The following GRM7 variants were observed in gnomAD, a reference collection of about 807,000 sequenced individuals.
GRM7 encodes the protein glutamate metabotropic receptor 7, also known as metabotropic glutamate receptor 7.
GRM7 carries 35 observed loss-of-function variants against 84.5 expected under a neutral mutation model. The ratio of observed to expected loss-of-function variants is 0.41; its 90% confidence interval spans 0.32 to 0.55. The LOEUF is 0.55. Among genes scored for constraint, GRM7 ranks in the 20% least tolerant of loss-of-function variants. The probability of loss-of-function intolerance (pLI) is 0.19; values close to 1 mark genes in which losing one functional copy is unlikely to be tolerated. For synonymous variants in GRM7, 487 were observed against 455.1 expected (o/e 1.07, Z -0.89); for missense variants, 1,003 against 1,194.6 (o/e 0.84, Z 2.36).
chr3:7,161,247 G>A (rs1370776479), intron 2 of GRM7, among the ~76,000 whole-genome samples: 1 of 151,724 alleles, frequency 6.6e-6, no homozygotes, highest in Non-Finnish European at 1.5e-5. Context: ...CAGTGTAGGT[G>A]TCCACGGTTC....
At chr3:7,346,527 G>T (rs1692902054) in intron 4 of GRM7, among the ~76,000 whole-genome samples, 1 of 152,024 alleles carries the variant, frequency 6.6e-6, no homozygotes, top group Non-Finnish European at 1.5e-5. Flanking sequence ...CATATTCCAG[G>T]GGGATGCAAA....
chr3:7,714,247 T>C (rs1446101475), intron 9 of GRM7, among the ~76,000 whole-genome samples: 10 of 152,098 alleles, frequency 6.6e-5, no homozygotes, highest in Non-Finnish European at 1.5e-4. Flanking sequence ...CACACATATC[T>C]AGTAAAGAGT....
intron 5 of GRM7, among the ~76,000 whole-genome samples, chr3:7,442,072 C>A (rs562057667): frequency 5.9e-5 from 9 of 151,788 alleles, no homozygotes; most frequent in Non-Finnish European, 1.2e-4. Context: ...TTGCTTTGGG[C>A]AGTATGGCCA....
At chr3:7,337,266 G>C (rs1271753980) in intron 4 of GRM7, among the ~76,000 whole-genome samples, 2 of 151,810 alleles carry the variant, frequency 1.3e-5, no homozygotes, top group Non-Finnish European at 3.0e-5. Context: ...CAAAAATCAA[G>C]ATGAATCGAA....
At chr3:7,647,550 A>G (rs1698703082) in intron 8 of GRM7, among the ~76,000 whole-genome samples, 1 of 152,226 alleles carries the variant, frequency 6.6e-6, no homozygotes, top group African/African-American at 2.4e-5. Context: ...AATACAATAG[A>G]AAGCCAATGG....
At chr3:7,203,703 T>G (rs1000794552) in intron 2 of GRM7, among the ~76,000 whole-genome samples, 1 of 152,234 alleles carries the variant, frequency 6.6e-6, no homozygotes, top group African/African-American at 2.4e-5. Flanking sequence ...CTAACTTATA[T>G]TCCCACGAAA....
chr3:7,217,867 A>ATAAAT (rs35732434), intron 2 of GRM7, among the ~76,000 whole-genome samples: 131,519 of 151,176 alleles, frequency 0.87, 57,753 homozygotes, highest in African/African-American at 0.97. Context: ...TAAAAATAAA[A>ATAAAT]TCTACATTTT....
intron 7 of GRM7, among the ~76,000 whole-genome samples, chr3:7,532,705 G>A (rs71308556): frequency 0.03 from 4,508 of 148,654 alleles, 101 homozygotes; most frequent in Non-Finnish European, 0.046. Context: ...TCTTTTAATT[G>A]TGATGTTAGG....
intron 4 of GRM7, among the ~76,000 whole-genome samples, chr3:7,337,079 C>G (rs550288464): frequency 1.3e-5 from 2 of 152,016 alleles, no homozygotes; most frequent in African/African-American, 4.8e-5. Context: ...GGCACATAGA[C>G]CAATGGAACA....
intron 9 of GRM7, among the ~76,000 whole-genome samples, chr3:7,702,271 T>C (rs1020220063): frequency 7.2e-5 from 11 of 152,224 alleles, no homozygotes; most frequent in Non-Finnish European, 1.6e-4. Context: ...CTTGTTAGAC[T>C]GTGGGTGTAG....
intron 1 of GRM7, among the ~76,000 whole-genome samples, chr3:7,125,353 G>A (rs941397009): frequency 2.0e-5 from 3 of 152,164 alleles, no homozygotes; most frequent in Admixed American, 6.5e-5. Flanking sequence ...ATAGCAAGAA[G>A]AGTCTCAAAA....
At chr3:7,539,723 G>A (rs1692767529) in intron 7 of GRM7, among the ~76,000 whole-genome samples, 1 of 150,854 alleles carries the variant, frequency 6.6e-6, no homozygotes, top group African/African-American at 2.4e-5. Context: ...AGACAACCTG[G>A]GAAAAGCAGA....
intron 1 of GRM7, among the ~76,000 whole-genome samples, chr3:7,066,966 C>A (rs985251860): frequency 6.6e-6 from 1 of 151,874 alleles, no homozygotes; most frequent in Non-Finnish European, 1.5e-5. Flanking sequence ...TTGACAGAAT[C>A]TAGCATCACT....
chr3:7,664,618 G>A lies in GRM7; in HGVS notation c.2452-15431G>A, dbSNP rs150117888. On this transcript the variant is annotated intron_variant, in intron 8 of 9. Coordinates refer to ENST00000357716, the MANE Select transcript of GRM7 (RefSeq NM_000844.4). ...GGTGGTTTACTGCACCCATCAACCC[G>A]TCATCTACATTAGGTATTTCTCCTA... 4.3e-3 allele frequency among the ~76,000 whole-genome samples: 662 copies of A among 152,240 alleles called. 4 individuals are homozygous for A. Among genetic ancestry groups the A allele is most frequent in the African/African-American group, 0.015 (629 of 41,542 alleles).
At chr3:7,146,870 C>G (rs565120445) in intron 2 of GRM7, among the ~76,000 whole-genome samples, 1 of 152,010 alleles carries the variant, frequency 6.6e-6, no homozygotes, top group East Asian at 1.9e-4. Context: ...CCCTTGAGTA[C>G]TAATAGAATA....
At chr3:7,197,809 A>G (rs1197391297) in intron 2 of GRM7, among the ~76,000 whole-genome samples, 1 of 152,114 alleles carries the variant, frequency 6.6e-6, no homozygotes, top group Non-Finnish European at 1.5e-5. Context: ...TTAACAATTC[A>G]TAATTAAAAG....
intron 1 of GRM7, among the ~76,000 whole-genome samples, chr3:7,072,818 T>A (rs1400399500): frequency 6.6e-6 from 1 of 152,190 alleles, no homozygotes; most frequent in Non-Finnish European, 1.5e-5. Context: ...AGAAAGGATA[T>A]TGATGTTTGC....
intron 8 of GRM7, among the ~76,000 whole-genome samples, chr3:7,650,421 C>G (rs1276135730): frequency 6.6e-6 from 1 of 152,206 alleles, no homozygotes; most frequent in Non-Finnish European, 1.5e-5. Flanking sequence ...ACAGAACCCA[C>G]TACTAGTTAC....
chr3:7,106,577 C>T (rs1012768601), intron 1 of GRM7, among the ~76,000 whole-genome samples: 2 of 151,946 alleles, frequency 1.3e-5, no homozygotes, highest in African/African-American at 4.8e-5. Flanking sequence ...GAATAATGGC[C>T]ACAGCTGAGC....
Sources: gnomAD v4.1 joint callset for allele counts (sites outside exome capture counted in the v4.1 genomes callset) on GRCh38, gnomAD v4.1.1 for gene constraint, MANE v1.5 for transcripts, NCBI Gene and HGNC (gene_info 2026-07-23, HGNC 2026-07-21) for gene names.